The following MIA3 variants were observed in gnomAD, a reference collection of about 807,000 sequenced individuals.
MIA3 encodes MIA SH3 domain ER export factor 3.
In MIA3, 90 loss-of-function variants were observed where a neutral mutation model predicts 192.4. The observed-to-expected ratio is 0.47, with a 90% CI of 0.39 to 0.56. MIA3 has a LOEUF of 0.56. Among genes scored for constraint, MIA3 ranks in the 20% least tolerant of loss-of-function variants. The pLI is 0.00. For missense variants in MIA3, 2,123 were observed against 2,269.4 expected (o/e 0.94, Z 1.31); for synonymous variants, 740 against 792.8 (o/e 0.93, Z 1.12).
chr1:222,633,321 G>A (rs1662488298), intron 6 of MIA3, 72 bp downstream of exon 6: 1 of 1,286,922 alleles, frequency 7.8e-7, no homozygotes, highest in East Asian at 2.4e-5. Context: ...TTGAGCATGA[G>A]GTGAAGAACT....
intron 6 of MIA3, among the ~76,000 whole-genome samples, chr1:222,636,859 TCA>T (rs1662648358): frequency 6.6e-6 from 1 of 152,154 alleles, no homozygotes; most frequent in Non-Finnish European, 1.5e-5. Context: ...TTCAGATGCC[TCA>T]GTCTCCCCGA....
In MIA3 at chr1:222,667,303, C is replaced by G. The variant is rs1664332894; in HGVS notation, c.*1684C>G. ...TTAAGAGGAAAACTCCACAGAAGAG[C>G]ATAGGCCACTTTTAGCCATGTAAAA... On this transcript the variant is annotated 3_prime_UTR_variant, in exon 28 of 28. Transcript: ENST00000344922. 6.6e-6 allele frequency: 1 copy of G among 152,160 alleles called. No individual in the cohort carries two copies. Among genetic ancestry groups the G allele is most frequent in the African/African-American group, 2.4e-5 (1 of 41,432 alleles). 9.4% of individuals were successfully genotyped at this position (152,160 alleles called of 1,614,324 possible).
chr1:222,626,061 C>G (rs1318926614), intron 3 of MIA3, among the ~76,000 whole-genome samples: 1 of 152,138 alleles, frequency 6.6e-6, no homozygotes, highest in African/African-American at 2.4e-5. Context: ...GCCCAGCCCC[C>G]CATCTGATTG....
intron 1 of MIA3, among the ~76,000 whole-genome samples, chr1:222,618,586 T>G (rs1661716685): frequency 1.1e-4 from 16 of 147,068 alleles, no homozygotes; most frequent in East Asian, 2.2e-4. Flanking sequence ...CAGCGTCCCC[T>G]TCCCACCCCC....
In MIA3 at chr1:222,665,531, T is replaced by TA. The variant is rs778267592; in HGVS notation, c.5637dup (p.Leu1880ThrfsTer6). The TA allele has an allele frequency of 2.5e-5, 40 of 1,613,962 alleles. No individual in the cohort carries two copies. Among genetic ancestry groups the TA allele is most frequent in the Admixed American group, 6.7e-5 (4 of 59,998 alleles). Reference sequence around the variant, plus strand: ...CCACCACCACCTGCTGTAAGAGACTTACTGCCGTCAGGCTCTAGAGATGAG... The same window carrying TA: ...CCACCACCACCTGCTGTAAGAGACTTAACTGCCGTCAGGCTCTAGAGATGAG... On this transcript the variant is annotated frameshift_variant, in exon 28 of 28. Coordinates refer to ENST00000344922, the MANE Select transcript of MIA3 (RefSeq NM_198551.4). LOFTEE classifies it low-confidence loss of function (END_TRUNC).
At chr1:222,622,487 A>G (rs1360897497) in intron 2 of MIA3, among the ~76,000 whole-genome samples, 1 of 152,228 alleles carries the variant, frequency 6.6e-6, no homozygotes, top group African/African-American at 2.4e-5. Context: ...ATAAGGCTTG[A>G]GAAATCCCCT....
rs758388900 is a variant in MIA3 at position 222,627,736 on chromosome 1, T to C, written c.516T>C (p.Ser172=). ...LQDMEKNPEL[S]KEREPEPEPV... ...ATATGGAAAAAAACCCTGAATTATC[T>C]AAGGAAAGGGAACCTGAACCTGAAC... The change falls in exon 4 of 28, where the codon TCT becomes TCC. Residue 172 remains serine (S), a synonymous_variant. Transcript: ENST00000344922. 8.8e-5 allele frequency: 142 copies of C among 1,612,920 alleles called. No individual in the cohort carries two copies. The highest frequency in any genetic ancestry group is 1.1e-4 in the Non-Finnish European group (131 of 1,179,840).
rs748507672 is a variant in MIA3 at position 222,628,853 on chromosome 1, C to T, written c.1633C>T (p.Pro545Ser). Residue 545 changes from proline to serine, a missense_variant, in exon 4 of 28, where the codon CCT (proline) becomes TCT (serine). Pro to Ser is a moderately conservative substitution (Grantham distance 74). Transcript: ENST00000344922. ...ISKGMLHEEKPGEQILEGGSE... is the reference protein window; with the variant it reads ...ISKGMLHEEKSGEQILEGGSE... Reference sequence around the variant, plus strand: ...AAAAGGAATGCTCCACGAAGAAAAGCCTGGAGAGCAGATTTTGGAAGGTGG... The same window carrying T: ...AAAAGGAATGCTCCACGAAGAAAAGTCTGGAGAGCAGATTTTGGAAGGTGG... 34 of 1,614,058 alleles carry T rather than the reference C, an allele frequency of 2.1e-5. 1 individual carries two copies. In the South Asian group the frequency reaches 3.7e-4, roughly 18 times the overall value.
chr1:222,652,949 C>A, intron 13 of MIA3, 59 bp from the exon 14 acceptor site: 1 of 1,562,772 alleles, frequency 6.4e-7, no homozygotes, highest in South Asian at 1.2e-5. Context: ...TTCATGTGGT[C>A]CTAATGTCTC....
In MIA3 at chr1:222,628,522, T is replaced by C. The variant is rs1324618150; in HGVS notation, c.1302T>C (p.Tyr434=). Residue 434 remains tyrosine, a synonymous_variant, in exon 4 of 28, where the codon TAT becomes TAC. Transcript: ENST00000344922. ...KQGKPQSATD[Y]SDPDNVDDGL... is the part of the protein sequence containing the mutation. The stretch of plus-strand genomic sequence containing the variant: ...GGAAACCACAGTCAGCAACAGATTA[T>C]AGTGACCCTGACAATGTAGATGATG... 3.1e-6 allele frequency: 5 copies of C among 1,613,978 alleles called. No individual in the cohort carries two copies. The highest frequency in any genetic ancestry group is 4.2e-6 in the Non-Finnish European group (5 of 1,180,008).
intron 8 of MIA3, chr1:222,649,919 T>C (rs1258998050): frequency 8.3e-6 from 2 of 240,830 alleles, no homozygotes; most frequent in Non-Finnish European, 1.7e-5. Context: ...CAGGCCATCT[T>C]ACATGGTGGG....
chr1:222,654,087 G>T (rs923355156), intron 15 of MIA3, among the ~76,000 whole-genome samples, 156 bp from the exon 16 acceptor site: 1 of 152,138 alleles, frequency 6.6e-6, no homozygotes, highest in Non-Finnish European at 1.5e-5. Context: ...TCTTAAGTTT[G>T]CAGTTCTCTT....
chr1:222,662,459 A>G, intron 26 of MIA3, 127 bp downstream of exon 26: 2 of 1,528,290 alleles, frequency 1.3e-6, no homozygotes, highest in Non-Finnish European at 1.8e-6. Flanking sequence ...TTAAAAAAGC[A>G]AACTGTTCTC....
At chr1:222,621,040 A>G in intron 1 of MIA3, 119 bp from the exon 2 acceptor site, 1 of 751,268 alleles carries the variant, frequency 1.3e-6, no homozygotes, top group South Asian at 2.1e-5. Flanking sequence ...TCCAGAGAGT[A>G]CTGGAAAAAC....
chr1:222,646,170 C>CTT (rs1663130979), intron 7 of MIA3: 1 of 153,012 alleles, frequency 6.5e-6, no homozygotes, highest in African/African-American at 2.4e-5. Context: ...AATCCCAGCA[C>CTT]TTTGAGAGTC....
chr1:222,630,439 G>T, intron 4 of MIA3, 50 bp downstream of exon 4: 2 of 1,519,492 alleles, frequency 1.3e-6, no homozygotes, highest in Non-Finnish European at 1.8e-6. Flanking sequence ...CAGGTGGGTG[G>T]GTCGCTGAGG....
chr1:222,652,989 ATG>A lies in MIA3; in HGVS notation c.4087-15_4087-14del. 1 of 1,604,006 alleles carries A rather than the reference ATG, an allele frequency of 6.2e-7. No homozygotes were observed. Among genetic ancestry groups the A allele is most frequent in the Non-Finnish European group, 8.5e-7 (1 of 1,172,794 alleles). On this transcript the variant is annotated splice_polypyrimidine_tract_variant and intron_variant, in intron 13 of 27. Coordinates refer to ENST00000344922, the MANE Select transcript of MIA3 (RefSeq NM_198551.4). ...GCAAAAGCCCTAACCTGTGGGAATC[ATG>A]TGTTTTAACTTTGCAGTTGCAGCAG...
chr1:222,644,685 A>G (rs1373817245), intron 6 of MIA3: 3 of 1,302,952 alleles, frequency 2.3e-6, no homozygotes, highest in Non-Finnish European at 3.2e-6. Context: ...CAAAGGAGAA[A>G]TGGAGTGTGT....
At chr1:222,663,637 A>G (rs1664133308) in intron 26 of MIA3, among the ~76,000 whole-genome samples, 1 of 152,172 alleles carries the variant, frequency 6.6e-6, no homozygotes, top group Non-Finnish European at 1.5e-5. Flanking sequence ...CATTCTTAAT[A>G]TGGAAATTAC....
Sources: gnomAD v4.1 joint callset for allele counts (sites outside exome capture counted in the v4.1 genomes callset) on GRCh38, gnomAD v4.1.1 for gene constraint, MANE v1.5 for transcripts, NCBI Gene and HGNC (gene_info 2026-07-23, HGNC 2026-07-21) for gene names.